PLXNA4: variants seen among roughly 807,000 people sequenced by gnomAD.
PLXNA4 encodes the protein plexin A4, also known as plexin-A4.
Under a neutral mutation model 191.8 loss-of-function variants are expected in PLXNA4, and 44 were observed. The observed-to-expected ratio is 0.23, with a 90% CI of 0.18 to 0.29. The LOEUF (loss-of-function observed/expected upper bound fraction) is 0.29. PLXNA4 is among the 10% of genes least tolerant of loss of function. PLXNA4 has a pLI of 1.00. For missense variants in PLXNA4, 1,800 were observed against 2,488.8 expected, an observed-to-expected ratio of 0.72 and a Z score of 5.89; for synonymous variants, 1,082 against 1,009.5, an observed-to-expected ratio of 1.07 and a Z score of -1.36.
At chr7:132,445,274 T>C (rs2241733) in intron 3 of PLXNA4, among the ~76,000 whole-genome samples, 109,688 of 151,530 alleles carry the variant, frequency 0.72, 43,713 homozygotes, top group Non-Finnish European at 0.89. Flanking sequence ...TGCTCCTCCT[T>C]CTATGTGATT....
intron 20 of PLXNA4, among the ~76,000 whole-genome samples, chr7:132,175,958 G>T (rs1421786440): frequency 6.6e-6 from 1 of 152,176 alleles, no homozygotes; most frequent in Non-Finnish European, 1.5e-5. Context: ...ACTCAGAAGG[G>T]ATGAACAAGC....
intron 1 of PLXNA4, among the ~76,000 whole-genome samples, chr7:132,567,846 C>T (rs1311700540): frequency 6.6e-6 from 1 of 152,150 alleles, no homozygotes; most frequent in Non-Finnish European, 1.5e-5. Flanking sequence ...CTGCTTGAAG[C>T]AGGGGCTGAC....
In PLXNA4 at chr7:132,179,829, C is replaced by G; in HGVS notation, c.3732G>C (p.Val1244=). 6.2e-7 allele frequency: 1 copy of G among 1,613,550 alleles called. No homozygotes were observed. The highest frequency in any genetic ancestry group is 1.1e-5 in the South Asian group (1 of 91,008). ...LSLPAIVSIA[V]AGGLLIIFIV... is the part of the protein sequence containing the mutation. ...TGAAAATGATGAGGAGGCCGCCAGCCACTGCGATGCTGACGATGGCGGGCA... is the reference window on the plus strand; with the variant it reads ...TGAAAATGATGAGGAGGCCGCCAGCGACTGCGATGCTGACGATGGCGGGCA... The change falls in exon 20 of 32, where the codon GTG becomes GTC. Residue 1244 remains valine (V), a synonymous_variant. Coordinates refer to ENST00000321063, the MANE Select transcript of PLXNA4 (RefSeq NM_020911.2).
chr7:132,525,047 G>C (rs1799345650), intron 1 of PLXNA4, among the ~76,000 whole-genome samples: 1 of 152,018 alleles, frequency 6.6e-6, no homozygotes, highest in African/African-American at 2.4e-5. Context: ...CTGAAACCCT[G>C]TACCCATCAA....
chr7:132,365,360 T>TGTGTGCGCGCGCGC, intron 3 of PLXNA4, among the ~76,000 whole-genome samples: 324 of 128,804 alleles, frequency 2.5e-3, no homozygotes, highest in South Asian at 8.0e-3. Flanking sequence ...TGTGTGTGTG[T>TGTGTGCGCGCGCGC]GCGTGCGCGC....
chr7:132,135,873 T>C lies in PLXNA4; in HGVS notation c.5439-2674A>G, dbSNP rs191715644. On this transcript the variant is annotated intron_variant, in intron 30 of 31. Transcript: ENST00000321063. Reference sequence around the variant, plus strand: ...TTCCCTTTGCACTGGGGAGGCTGGATCAAATCAGGGCACGTCTGTGGCCAC... The same window carrying C: ...TTCCCTTTGCACTGGGGAGGCTGGACCAAATCAGGGCACGTCTGTGGCCAC... 2.0e-4 allele frequency among the ~76,000 whole-genome samples: 31 copies of C among 152,202 alleles called. 1 individual carries two copies. The highest frequency in any genetic ancestry group is 1.8e-3 in the Admixed American group (27 of 15,296).
chr7:132,545,310 T>G (rs1043753776), intron 1 of PLXNA4, among the ~76,000 whole-genome samples: 1 of 152,134 alleles, frequency 6.6e-6, no homozygotes, highest in Non-Finnish European at 1.5e-5. Flanking sequence ...CTGGGAAACC[T>G]ATCAAAGGAG....
chr7:132,582,120 A>G (rs1802413137), upstream of PLXNA4, among the ~76,000 whole-genome samples: 1 of 152,190 alleles, frequency 6.6e-6, no homozygotes, highest in Non-Finnish European at 1.5e-5. Flanking sequence ...GTCCCGTAGT[A>G]TGCCTGCATT....
At position 132,259,916 on chromosome 7, in the gene PLXNA4, A is replaced by G. The variant is rs116938177; in HGVS notation, c.1504-18750T>C. Among the ~76,000 whole-genome samples the G allele has an allele frequency of 9.0e-3, 1,365 of 152,344 alleles. 4 individuals are homozygous for G. Among genetic ancestry groups the G allele is most frequent in the Non-Finnish European group, 0.014 (959 of 68,036 alleles). ...TGATTCCAACTATATGACCTGGAAA[A>G]GGCAAAAACTATGGAGACACTAGAA... On this transcript the variant is annotated intron_variant, in intron 4 of 31. Transcript: ENST00000321063.
At chr7:132,643,211 C>T (rs11773117) in intron 2 of PLXNA4, among the ~76,000 whole-genome samples, 13,310 of 152,182 alleles carry the variant, frequency 0.087, 783 homozygotes, top group Non-Finnish European at 0.13. Flanking sequence ...CTCCATGTTC[C>T]TTCAGCTTCC....
chr7:132,400,077 A>AC (rs1793925363), intron 3 of PLXNA4, among the ~76,000 whole-genome samples: 1 of 151,800 alleles, frequency 6.6e-6, no homozygotes, highest in Non-Finnish European at 1.5e-5. Flanking sequence ...TCCACCTCCT[A>AC]CCCCCGGAGA....
rs375284053 is a variant in PLXNA4 at position 132,483,366 on chromosome 7, A to C, written c.1371+5926T>G. ...AAGGACCACTTATGGTTGGGGGCTCATTCCCTCTTCTTGCCTCTGCCTCCT... is the reference window on the plus strand; with the variant it reads ...AAGGACCACTTATGGTTGGGGGCTCCTTCCCTCTTCTTGCCTCTGCCTCCT... On this transcript the variant is annotated intron_variant, in intron 3 of 31. Transcript: ENST00000321063. Among the ~76,000 whole-genome samples the C allele has an allele frequency of 5.9e-5, 9 of 152,298 alleles. No individual in the cohort carries two copies. The East Asian group carries it at 1.5e-3, about 26-fold the overall frequency.
At chr7:132,546,650 T>C (rs1367695951) in intron 1 of PLXNA4, among the ~76,000 whole-genome samples, 1 of 152,160 alleles carries the variant, frequency 6.6e-6, no homozygotes, top group African/African-American at 2.4e-5. Context: ...ACAGCATTAA[T>C]GGAAATGATT....
intron 3 of PLXNA4, among the ~76,000 whole-genome samples, chr7:132,357,862 T>G (rs1183422154): frequency 6.6e-6 from 1 of 152,198 alleles, no homozygotes; most frequent in Non-Finnish European, 1.5e-5. Flanking sequence ...CACAGGCAAC[T>G]CTAGTAAATA....
At chr7:132,138,507 C>T (rs1379998095) in intron 30 of PLXNA4, among the ~76,000 whole-genome samples, 3 of 152,156 alleles carry the variant, frequency 2.0e-5, no homozygotes, top group Admixed American at 1.3e-4. Flanking sequence ...GGACTTGTCC[C>T]TCCATCACCA....
intron 4 of PLXNA4, among the ~76,000 whole-genome samples, chr7:132,282,022 T>C (rs1419265666): frequency 3.3e-5 from 5 of 152,192 alleles, no homozygotes; most frequent in Non-Finnish European, 5.9e-5. Context: ...CCCTCCAAGA[T>C]GTTGGGTTCC....
intron 22 of PLXNA4, among the ~76,000 whole-genome samples, chr7:132,167,150 T>A (rs1796146872): frequency 6.6e-6 from 1 of 152,084 alleles, no homozygotes; most frequent in South Asian, 2.1e-4. Flanking sequence ...GCCAAAGGTA[T>A]TGGAATAATG....
chr7:132,632,494 G>A (rs570975837), intron 2 of PLXNA4, among the ~76,000 whole-genome samples: 1 of 152,234 alleles, frequency 6.6e-6, no homozygotes, highest in South Asian at 2.1e-4. Context: ...CTGAGTGTGA[G>A]CTTAGATGCA....
At chr7:132,462,377 A>T (rs1796538369) in intron 3 of PLXNA4, among the ~76,000 whole-genome samples, 1 of 152,230 alleles carries the variant, frequency 6.6e-6, no homozygotes, top group Admixed American at 6.5e-5. Context: ...AAAACCAGGA[A>T]GCTTAAAGAC....
Sources: gnomAD v4.1 joint callset for allele counts (sites outside exome capture counted in the v4.1 genomes callset) on GRCh38, gnomAD v4.1.1 for gene constraint, MANE v1.5 for transcripts, NCBI Gene and HGNC (gene_info 2026-07-23, HGNC 2026-07-21) for gene names.